UBR2: variants seen among roughly 807,000 people sequenced by gnomAD.
UBR2 encodes the protein E3 ubiquitin-protein ligase UBR2.
Under a neutral mutation model 247.9 loss-of-function variants are expected in UBR2, and 92 were observed. The ratio of observed to expected loss-of-function variants is 0.37; its 90% CI spans 0.31 to 0.44. The LOEUF is 0.44. Ranked by LOEUF, UBR2 falls within the 20% of genes least tolerant of loss-of-function variation. The pLI, the probability that UBR2 is intolerant of heterozygous loss-of-function variation, is 1.00. For missense variants in UBR2, 1,613 were observed against 2,112.6 expected (o/e 0.76, Z 4.64); for synonymous variants, 672 against 693.5 (o/e 0.97, Z 0.49).
In UBR2 at chr6:42,564,182, C is replaced by T; in HGVS notation, c.-138C>T. 2 of 921,674 alleles carry T rather than the reference C, an allele frequency of 2.2e-6. No individual in the cohort carries two copies. Among genetic ancestry groups the T allele is most frequent in the Non-Finnish European group, 3.3e-6 (2 of 612,400 alleles). 57.1% of individuals were successfully genotyped at this position (921,674 alleles called of 1,614,324 possible). On this transcript the variant is annotated 5_prime_UTR_variant, in exon 1 of 47. Transcript: ENST00000372901. Reference sequence around the variant, plus strand: ...CGGTTCACGTCACCCTTCTCTCCCTCTGTTGCTCCACCTGCAGCCACTTGG... The same window carrying T: ...CGGTTCACGTCACCCTTCTCTCCCTTTGTTGCTCCACCTGCAGCCACTTGG...
At chr6:42,569,312 T>C (rs1790970700) in intron 1 of UBR2, among the ~76,000 whole-genome samples, 2 of 152,212 alleles carry the variant, frequency 1.3e-5, no homozygotes, top group Admixed American at 1.3e-4. Flanking sequence ...TCCAGATCCT[T>C]GCCAACACTT....
chr6:42,648,206 A>G (rs767266991), intron 22 of UBR2, 36 bp downstream of exon 22: 2 of 1,570,676 alleles, frequency 1.3e-6, no homozygotes, highest in Non-Finnish European at 1.8e-6. Flanking sequence ...ATTCTTTTTT[A>G]CTTTTCCAGT....
intron 2 of UBR2, among the ~76,000 whole-genome samples, chr6:42,585,421 T>C (rs1792190971): frequency 6.6e-6 from 1 of 152,204 alleles, no homozygotes; most frequent in Non-Finnish European, 1.5e-5. Flanking sequence ...TTGTCCGGTC[T>C]TGGTTGTTAG....
intron 14 of UBR2, among the ~76,000 whole-genome samples, chr6:42,635,993 A>T (rs1181886645): frequency 6.6e-6 from 1 of 152,132 alleles, no homozygotes; most frequent in Admixed American, 6.5e-5. Flanking sequence ...AATCTGTAAA[A>T]GTTAATGGAA....
intron 10 of UBR2, 114 bp from the exon 11 acceptor site, chr6:42,617,295 C>T: frequency 4.3e-6 from 7 of 1,614,118 alleles, no homozygotes; most frequent in South Asian, 1.1e-5. Flanking sequence ...CGAGCAGTGT[C>T]GGTGACTGCT....
intron 14 of UBR2, among the ~76,000 whole-genome samples, chr6:42,636,297 G>A (rs551879746): frequency 6.7e-6 from 1 of 149,744 alleles, no homozygotes; most frequent in Admixed American, 6.7e-5. Flanking sequence ...TCCCACCTCA[G>A]CCTCCCAAGT....
chr6:42,693,324 G>T lies in UBR2; in HGVS notation c.*2151G>T, dbSNP rs937406526. 1.3e-5 allele frequency: 2 copies of T among 152,150 alleles called. No individual in the cohort carries two copies. The highest frequency in any genetic ancestry group is 2.4e-5 in the African/African-American group (1 of 41,494). The allele number at this position is 152,150 out of a possible 1,614,324, so 9.4% of individuals were successfully genotyped here. ...TCATGTTAGTTTTATGATTTGTTCC[G>T]CATGTTTTATGTTTATTGTAGAAAT... is the stretch of plus-strand genomic sequence containing the variant. On this transcript the variant is annotated 3_prime_UTR_variant, in exon 47 of 47. Transcript: ENST00000372901.
At chr6:42,677,611 C>G (rs1217080315) in intron 40 of UBR2, among the ~76,000 whole-genome samples, 2 of 151,902 alleles carry the variant, frequency 1.3e-5, no homozygotes, top group South Asian at 2.1e-4. Flanking sequence ...AACCCTGTCT[C>G]TACCAAAAAA....
intron 2 of UBR2, among the ~76,000 whole-genome samples, chr6:42,584,346 C>T (rs1413673926): frequency 6.6e-6 from 1 of 152,098 alleles, no homozygotes; most frequent in Non-Finnish European, 1.5e-5. Flanking sequence ...AAGTGTGGGT[C>T]CATTTCTGAA....
At chr6:42,684,037 A>G (rs148198169) in intron 43 of UBR2, among the ~76,000 whole-genome samples, 1 of 152,246 alleles carries the variant, frequency 6.6e-6, no homozygotes, top group African/African-American at 2.4e-5. Flanking sequence ...TTTGGACCAC[A>G]TGAAATGTCA....
chr6:42,645,132 A>C (rs1796679835), intron 20 of UBR2, among the ~76,000 whole-genome samples: 1 of 152,078 alleles, frequency 6.6e-6, no homozygotes, highest in Non-Finnish European at 1.5e-5. Flanking sequence ...AGGGGAAAGG[A>C]AGGCTCTCTC....
At chr6:42,666,087 G>T (rs994371275) in intron 33 of UBR2, 80 bp from the exon 34 acceptor site, 5 of 1,238,430 alleles carry the variant, frequency 4.0e-6, no homozygotes, top group South Asian at 3.1e-5. Flanking sequence ...TTTTGTTTTT[G>T]ATTTCTTTGA....
chr6:42,663,251 T>C lies in UBR2; in HGVS notation c.3537-7T>C. 1 of 1,592,502 alleles carries C rather than the reference T, an allele frequency of 6.3e-7. No individual in the cohort carries two copies. On this transcript the variant is annotated splice_polypyrimidine_tract_variant and splice_region_variant and intron_variant, in intron 31 of 46. Coordinates refer to ENST00000372901, the MANE Select transcript of UBR2 (RefSeq NM_001363705.2). ...GTTTTGATACCTCATGTTCTCTAAT[T>C]GTAAAGGTATTTTGATTCCGTTCAA...
Position 42,564,333 on chromosome 6 carries a change from T to C in UBR2, c.14T>C (p.Leu5Pro). The C allele has an allele frequency of 6.2e-7, 1 of 1,611,596 alleles. No homozygotes were observed. Among genetic ancestry groups the C allele is most frequent in the Non-Finnish European group, 8.5e-7 (1 of 1,179,178 alleles). Residue 5 changes from leucine (L) to proline (P), a missense_variant, in exon 1 of 47, where the codon CTA (leucine) becomes CCA (proline). Physicochemically the swap from Leu to Pro is moderately conservative, Grantham distance 98. This residue lies in a region of UBR2 where 1,524 missense variants were observed against 1,967.3 expected (regional missense o/e 0.77). Transcript: ENST00000372901. ...GGAGGAGAGAAGATGGCGTCGGAGC[T>C]AGAGCCAGAGGTGCAGGCCATCGAC... Reference protein sequence around the residue: MASELEPEVQAIDRS... With the variant: MASEPEPEVQAIDRS...
chr6:42,595,564 G>T (rs1792914346), intron 4 of UBR2, among the ~76,000 whole-genome samples: 1 of 151,936 alleles, frequency 6.6e-6, no homozygotes, highest in African/African-American at 2.4e-5. Context: ...TGGGCAAATG[G>T]CAAAACCCCA....
In UBR2 at chr6:42,681,162, CAA is replaced by C. The variant is rs59312824; in HGVS notation, c.4718+1349_4718+1350del. ...TGGGGGACAAAGCGAGACTCCGTCT[CAA>C]AAAAAAAAAAAAAAAAAAGAAAGAC... On this transcript the variant is annotated intron_variant, in intron 42 of 46. Coordinates refer to ENST00000372901, the MANE Select transcript of UBR2 (RefSeq NM_001363705.2). Among the ~76,000 whole-genome samples the C allele has an allele frequency of 9.7e-3, 492 of 50,562 alleles. 1 individual carries two copies. Among genetic ancestry groups the C allele is most frequent in the African/African-American group, 0.027 (449 of 16,744 alleles). The allele number at this position is 50,562 out of a possible 152,430, so 33.2% of individuals were successfully genotyped here. A position where few individuals can be genotyped will look rare whatever the true frequency, so the allele number is the denominator to read the frequency against.
chr6:42,663,566 A>G, intron 32 of UBR2, 147 bp downstream of exon 32: 15 of 849,862 alleles, frequency 1.8e-5, no homozygotes, highest in Non-Finnish European at 2.5e-5. Context: ...CTTCTAGCAG[A>G]CCTGTGGAAT....
intron 39 of UBR2, 57 bp downstream of exon 39, chr6:42,676,248 T>A: frequency 4.0e-6 from 6 of 1,492,136 alleles, no homozygotes; most frequent in Non-Finnish European, 5.4e-6. Context: ...TTCTGAGTTT[T>A]AAAAAAAGTA....
At chr6:42,686,697 G>C (rs547228712) in intron 44 of UBR2, among the ~76,000 whole-genome samples, 1 of 150,858 alleles carries the variant, frequency 6.6e-6, no homozygotes, top group African/African-American at 2.4e-5. Flanking sequence ...GCGGCTGGCC[G>C]GGTGGGAGCT....
Sources: gnomAD v4.1 joint callset for allele counts (sites outside exome capture counted in the v4.1 genomes callset) on GRCh38, gnomAD v4.1.1 for gene constraint, gnomAD v4.1.1 regional missense constraint, MANE v1.5 for transcripts, NCBI Gene and HGNC (gene_info 2026-07-23, HGNC 2026-07-21) for gene names.